SLCO1B3: variants seen among roughly 807,000 people sequenced by gnomAD.
The protein encoded by SLCO1B3 is solute carrier organic anion transporter family member 1B3.
In SLCO1B3, 72 loss-of-function variants were observed where a neutral mutation model predicts 71.8. The observed-to-expected ratio is 1.00, with a 90% CI of 0.83 to 1.22. The LOEUF (loss-of-function observed/expected upper bound fraction) is 1.22. Ranked by LOEUF, SLCO1B3 falls within the 50% of genes most tolerant of loss-of-function variation. The pLI, the probability that SLCO1B3 is intolerant of heterozygous loss-of-function variation, is 0.00. For missense variants in SLCO1B3, 911 were observed against 819.7 expected, an observed-to-expected ratio of 1.11 and a Z score of -1.36; for synonymous variants, 298 against 278.4, an observed-to-expected ratio of 1.07 and a Z score of -0.70.
chr12:20,865,328 A>T (rs1324175302), intron 8 of SLCO1B3, among the ~76,000 whole-genome samples: 1 of 152,172 alleles, frequency 6.6e-6, no homozygotes, highest in Non-Finnish European at 1.5e-5. Flanking sequence ...ATCAGTCCAT[A>T]CTAGCAAATA....
intron 13 of SLCO1B3, among the ~76,000 whole-genome samples, chr12:20,889,711 T>C (rs1285179553): frequency 6.6e-6 from 1 of 152,140 alleles, no homozygotes; most frequent in Non-Finnish European, 1.5e-5. Flanking sequence ...TTCTTTGATA[T>C]TTACTATATT....
intron 12 of SLCO1B3, among the ~76,000 whole-genome samples, chr12:20,881,249 A>T (rs1052023386): frequency 6.6e-6 from 1 of 152,072 alleles, no homozygotes; most frequent in Admixed American, 6.6e-5. Flanking sequence ...CTAATTAGAG[A>T]TTACCCACTT....
intron 8 of SLCO1B3, among the ~76,000 whole-genome samples, chr12:20,869,617 A>C (rs954558875): frequency 1.2e-4 from 18 of 152,282 alleles, no homozygotes; most frequent in Non-Finnish European, 2.4e-4. Context: ...TATTTCACTT[A>C]GCACAATGTT....
At position 20,848,255 on chromosome 12, in the gene SLCO1B3, A is replaced by G. The variant is rs1864955189; in HGVS notation, c.85-6773A>G. Among the ~76,000 whole-genome samples the G allele has an allele frequency of 1.3e-5, 2 of 152,214 alleles. 1 individual carries two copies. The highest frequency in any genetic ancestry group is 1.3e-4 in the Admixed American group (2 of 15,282). ...AAAACATGTTCAACATAATATGTCA[A>G]TAGTGAATTGCCAATTCAAACAATG... On this transcript the variant is annotated intron_variant, in intron 3 of 15. Coordinates refer to ENST00000381545, the MANE Select transcript of SLCO1B3 (RefSeq NM_019844.4).
Position 20,901,431 on chromosome 12 carries a change from A to G in SLCO1B3, c.1829A>G (p.Gln610Arg), listed in dbSNP as rs765336801. ...TGGTCCACCAACAGCTGTGGAGCAC[A>G]AGGGGCTTGTAGGATATATAATTCC... ...MKWSTNSCGA[Q>R]GACRIYNSVF... Residue 610 changes from glutamine to arginine, a missense_variant, in exon 15 of 16, where the codon CAA (glutamine) becomes CGA (arginine). Transcript: ENST00000381545. 7.0e-6 allele frequency: 11 copies of G among 1,572,066 alleles called. No individual in the cohort carries two copies. Among genetic ancestry groups the G allele is most frequent in the Non-Finnish European group, 9.4e-6 (11 of 1,165,228 alleles).
intron 15 of SLCO1B3, among the ~76,000 whole-genome samples, chr12:20,911,763 A>G (rs991448095): frequency 7.2e-5 from 11 of 152,152 alleles, no homozygotes; most frequent in African/African-American, 1.9e-4. Flanking sequence ...TTTAAGGTCA[A>G]TGGGGTCTAC....
At chr12:20,833,295 A>G (rs1014578778) in intron 3 of SLCO1B3, among the ~76,000 whole-genome samples, 3 of 152,024 alleles carry the variant, frequency 2.0e-5, no homozygotes, top group Admixed American at 1.3e-4. Context: ...GTTACCTAAC[A>G]TATTTACAAG....
In SLCO1B3 at chr12:20,898,437, A is replaced by C; in HGVS notation, c.1684A>C (p.Ile562Leu). The stretch of plus-strand genomic sequence containing the variant: ...TTCTTTGCCTTTATCATATTTCAGG[A>C]TTGTTCAACCTGAATTGAAAGCACT... ...GTTFILLTVK[I>L]VQPELKALAM... The change falls in exon 14 of 16, where the codon ATT becomes CTT. Residue 562 changes from isoleucine to leucine, a missense_variant and splice_region_variant. Physicochemically the swap from Ile to Leu is conservative, Grantham distance 5. Coordinates refer to ENST00000381545, the MANE Select transcript of SLCO1B3 (RefSeq NM_019844.4). The C allele has an allele frequency of 6.3e-7, 1 of 1,589,290 alleles. No individual in the cohort carries two copies. Among genetic ancestry groups the C allele is most frequent in the East Asian group, 2.3e-5 (1 of 44,396 alleles).
At chr12:20,886,822 G>A (rs1294991865) in intron 13 of SLCO1B3, among the ~76,000 whole-genome samples, 3 of 151,830 alleles carry the variant, frequency 2.0e-5, no homozygotes, top group Admixed American at 1.3e-4. Flanking sequence ...CACCCGAATC[G>A]TGTACTTTAT....
intron 13 of SLCO1B3, among the ~76,000 whole-genome samples, chr12:20,896,368 C>A (rs113376176): frequency 6.6e-6 from 1 of 152,158 alleles, no homozygotes; most frequent in African/African-American, 2.4e-5. Context: ...ACCAAAGTCA[C>A]CTCTTGAATG....
intron 3 of SLCO1B3, among the ~76,000 whole-genome samples, chr12:20,849,147 T>TA (rs1038570146): frequency 6.6e-6 from 1 of 151,954 alleles, no homozygotes; most frequent in African/African-American, 2.4e-5. Flanking sequence ...TAAAGTCTAT[T>TA]AAGTATATTA....
chr12:20,873,348 G>GTTGTTGTTGTTT (rs1865513227), intron 8 of SLCO1B3, among the ~76,000 whole-genome samples: 2 of 151,384 alleles, frequency 1.3e-5, no homozygotes, highest in Non-Finnish European at 2.9e-5. Context: ...AGATGTTGTT[G>GTTGTTGTTGTTT]TTGTTTTTGT....
rs193148763 is a variant in SLCO1B3 at position 20,915,758 on chromosome 12, T to C, written c.1866-246T>C. 2.0e-5 allele frequency among the ~76,000 whole-genome samples: 3 copies of C among 152,210 alleles called. No homozygotes were observed. The East Asian group carries it at 5.8e-4, about 29-fold the overall frequency. On this transcript the variant is annotated intron_variant, in intron 15 of 15. Transcript: ENST00000381545. ...GGCTTGAGGGGGCTGGAGTTATGTA[T>C]TTTCCTCCCTCCCAAAGGAAGGCTA...
intron 15 of SLCO1B3, among the ~76,000 whole-genome samples, chr12:20,903,576 G>GGA (rs1391065088): frequency 6.6e-6 from 1 of 151,990 alleles, no homozygotes; most frequent in Non-Finnish European, 1.5e-5. Flanking sequence ...CCTAGTGACA[G>GGA]GAGAGAGAGA....
chr12:20,822,145 C>T (rs1188704718), intron 3 of SLCO1B3, among the ~76,000 whole-genome samples: 1 of 152,178 alleles, frequency 6.6e-6, no homozygotes, highest in East Asian at 1.9e-4. Context: ...GGGGATTGAT[C>T]TCCCAAGGGA....
chr12:20,820,079 A>G (rs1421075213), intron 3 of SLCO1B3, among the ~76,000 whole-genome samples: 1 of 152,134 alleles, frequency 6.6e-6, no homozygotes, highest in Admixed American at 6.5e-5. Flanking sequence ...TAAGAGGTTT[A>G]GAAGCCTGGC....
intron 8 of SLCO1B3, among the ~76,000 whole-genome samples, chr12:20,874,480 CCTT>C (rs909318532): frequency 1.1e-4 from 17 of 152,248 alleles, no homozygotes; most frequent in Admixed American, 6.5e-4. Context: ...AGGTATCTGT[CCTT>C]CTTATTCTGG....
rs538723731 is a variant in SLCO1B3, at chr12:20,841,428, C to T, written c.85-13600C>T. On this transcript the variant is annotated intron_variant, in intron 3 of 15. Coordinates refer to ENST00000381545, the MANE Select transcript of SLCO1B3 (RefSeq NM_019844.4). ...TTCCACTATAATTTCTTAATTAATA[C>T]ACAAGTTATTTAAAATAAGATTTGC... Among the ~76,000 whole-genome samples, 8 of 151,660 alleles carry T rather than the reference C, an allele frequency of 5.3e-5. No homozygotes were observed. The East Asian group carries it at 1.4e-3, about 26-fold the overall frequency.
At chr12:20,830,322 G>A (rs1591748454) in intron 3 of SLCO1B3, among the ~76,000 whole-genome samples, 1 of 152,170 alleles carries the variant, frequency 6.6e-6, no homozygotes, top group Admixed American at 6.5e-5. Context: ...GGATGCATGG[G>A]GGAGACAGGC....
Sources: gnomAD v4.1 joint callset for allele counts (sites outside exome capture counted in the v4.1 genomes callset) on GRCh38, gnomAD v4.1.1 for gene constraint, MANE v1.5 for transcripts, NCBI Gene and HGNC (gene_info 2026-07-23, HGNC 2026-07-21) for gene names.